FRMD4A: variants seen among roughly 807,000 people sequenced by gnomAD.
The protein encoded by FRMD4A is FERM domain-containing protein 4A.
In FRMD4A, 29 loss-of-function variants were observed where a neutral mutation model predicts 129.1. The observed-to-expected ratio is 0.22, with a 90% CI of 0.17 to 0.31. The LOEUF is 0.31. Ranked by LOEUF, FRMD4A falls within the 10% of genes least tolerant of loss-of-function variation. FRMD4A has a pLI of 1.00. For synonymous variants in FRMD4A, 634 were observed against 571.6 expected (o/e 1.11, Z -1.56); for missense variants, 1,272 against 1,375.8 (o/e 0.92, Z 1.19).
At chr10:13,724,780 T>C (rs1401510987) in intron 12 of FRMD4A, among the ~76,000 whole-genome samples, 4 of 152,236 alleles carry the variant, frequency 2.6e-5, no homozygotes, top group Non-Finnish European at 5.9e-5. Context: ...TGGCTATTTA[T>C]ATGGCCTTTC....
At chr10:13,864,975 G>C (rs1156724911) in intron 2 of FRMD4A, among the ~76,000 whole-genome samples, 1 of 152,024 alleles carries the variant, frequency 6.6e-6, no homozygotes, top group Admixed American at 6.6e-5. Context: ...TTTCATTTGG[G>C]TTTTTATTTA....
intron 3 of FRMD4A, among the ~76,000 whole-genome samples, chr10:13,853,020 T>C (rs1448173414): frequency 6.6e-6 from 1 of 152,164 alleles, no homozygotes; most frequent in Non-Finnish European, 1.5e-5. Flanking sequence ...AGGGACGCTT[T>C]GTTCCTCTAT....
intron 2 of FRMD4A, among the ~76,000 whole-genome samples, chr10:13,933,434 T>C (rs974225021): frequency 1.3e-5 from 2 of 152,212 alleles, no homozygotes; most frequent in African/African-American, 4.8e-5. Flanking sequence ...TATAATTTCA[T>C]TTTCAATAAA....
chr10:14,238,832 C>A (rs1245961389), intron 2 of FRMD4A, among the ~76,000 whole-genome samples: 2 of 152,160 alleles, frequency 1.3e-5, no homozygotes, highest in Non-Finnish European at 2.9e-5. Context: ...CGGCTTCCAA[C>A]TTCATCCATG....
intron 2 of FRMD4A, among the ~76,000 whole-genome samples, chr10:14,171,024 T>G (rs909067860): frequency 1.4e-4 from 2 of 13,806 alleles, no homozygotes; most frequent in African/African-American, 6.6e-4. Flanking sequence ...GTTTTTTTTT[T>G]TGTTTATTTG....
chr10:13,693,441 G>A, intron 15 of FRMD4A: 1 of 962,220 alleles, frequency 1.0e-6, no homozygotes, highest in Non-Finnish European at 1.3e-6. Flanking sequence ...GCGACACGAT[G>A]GAGAGAGTAT....
intron 2 of FRMD4A, among the ~76,000 whole-genome samples, chr10:14,042,924 CAAAAAAAAAAAAA>C (rs57492155): frequency 1.6e-5 from 1 of 62,800 alleles, no homozygotes; most frequent in Non-Finnish European, 3.1e-5. Context: ...GACTCCATCT[CAAAAAAAAAAAAA>C]AAAAAAAAAA....
intron 2 of FRMD4A, among the ~76,000 whole-genome samples, chr10:14,174,442 C>T (rs968690331): frequency 8.5e-5 from 13 of 152,230 alleles, no homozygotes; most frequent in African/African-American, 3.1e-4. Flanking sequence ...TCATCCAGGG[C>T]AGGAGGCGAG....
intron 2 of FRMD4A, among the ~76,000 whole-genome samples, chr10:13,893,678 T>C (rs1218902733): frequency 5.9e-5 from 9 of 152,004 alleles, no homozygotes; most frequent in Admixed American, 5.9e-4. Flanking sequence ...CCCACCACCA[T>C]GCCCGGCTAA....
chr10:13,728,573 CTTTTTTT>C (rs10706168), intron 12 of FRMD4A, among the ~76,000 whole-genome samples: 1 of 78,372 alleles, frequency 1.3e-5, no homozygotes, highest in Non-Finnish European at 2.4e-5. Flanking sequence ...GATTACCATT[CTTTTTTT>C]TTTTTTTTTT....
chr10:14,072,285 CAGA>C (rs1835353545), intron 2 of FRMD4A, among the ~76,000 whole-genome samples: 1 of 152,040 alleles, frequency 6.6e-6, no homozygotes, highest in Non-Finnish European at 1.5e-5. Flanking sequence ...CTTGAGAAGT[CAGA>C]AGTTCTTACT....
intron 2 of FRMD4A, among the ~76,000 whole-genome samples, chr10:14,033,201 G>A (rs1252847279): frequency 6.6e-6 from 1 of 151,816 alleles, no homozygotes; most frequent in African/African-American, 2.4e-5. Flanking sequence ...CAGCTACTCA[G>A]GAGGCTGAGG....
chr10:13,940,247 T>A (rs1198331849), intron 2 of FRMD4A, among the ~76,000 whole-genome samples: 1 of 152,102 alleles, frequency 6.6e-6, no homozygotes, highest in Non-Finnish European at 1.5e-5. Flanking sequence ...GTTGACTTCT[T>A]CAAGGTCACA....
At chr10:13,673,008 C>T (rs934331711) in intron 16 of FRMD4A, among the ~76,000 whole-genome samples, 3 of 152,000 alleles carry the variant, frequency 2.0e-5, no homozygotes, top group African/African-American at 7.3e-5. Context: ...TTTTTAAGAG[C>T]GATGGTGAGA....
At chr10:13,781,724 A>G (rs2092741003) in intron 6 of FRMD4A, among the ~76,000 whole-genome samples, 1 of 152,174 alleles carries the variant, frequency 6.6e-6, no homozygotes, top group African/African-American at 2.4e-5. Flanking sequence ...AGTAAGCCAG[A>G]CACAAAAGGA....
chr10:14,277,163 C>T (rs1845371285), intron 2 of FRMD4A, among the ~76,000 whole-genome samples: 1 of 152,306 alleles, frequency 6.6e-6, no homozygotes, highest in African/African-American at 2.4e-5. Flanking sequence ...TGCCTGGCCC[C>T]AGGCTGGGAT....
chr10:13,750,932 A>G (rs2091593248), intron 8 of FRMD4A, among the ~76,000 whole-genome samples: 2 of 152,186 alleles, frequency 1.3e-5, no homozygotes, highest in Admixed American at 1.3e-4. Flanking sequence ...GCCCACACTG[A>G]TGAATTTCCG....
At chr10:13,875,183 C>T (rs970524642) in intron 2 of FRMD4A, among the ~76,000 whole-genome samples, 2 of 152,106 alleles carry the variant, frequency 1.3e-5, no homozygotes, top group East Asian at 1.9e-4. Flanking sequence ...AGCTGGACAC[C>T]GTCTTTATGA....
At chr10:13,951,764 C>T (rs982861206) in intron 2 of FRMD4A, among the ~76,000 whole-genome samples, 3 of 152,012 alleles carry the variant, frequency 2.0e-5, no homozygotes, top group Non-Finnish European at 4.4e-5. Flanking sequence ...GTGGCGGGCG[C>T]CTGGAATCCC....
Sources: allele counts gnomAD v4.1 joint callset (sites outside exome capture counted in the v4.1 genomes callset), GRCh38; gene constraint gnomAD v4.1.1; transcripts MANE v1.5; gene names NCBI Gene and HGNC (gene_info 2026-07-23, HGNC 2026-07-21).